The following BCOR variants were observed in gnomAD, a reference collection of about 807,000 sequenced individuals.
BCOR encodes BCL-6 corepressor.
In BCOR, 10 loss-of-function variants were observed where a neutral mutation model predicts 86.7. The ratio of observed to expected loss-of-function variants is 0.12; its 90% CI spans 0.07 to 0.20. The LOEUF is 0.20. Ranked by LOEUF, BCOR falls within the 10% of genes least tolerant of loss-of-function variation. The pLI is 1.00. For missense variants in BCOR, 1,259 were observed against 1,452.1 expected (o/e 0.87, Z 2.16); for synonymous variants, 611 against 609.0 (o/e 1.00, Z -0.05).
At chrX:40,066,284 C>G (rs900015846) in intron 6 of BCOR, among the ~76,000 whole-genome samples, 4 of 111,788 alleles carry the variant, frequency 3.6e-5, no homozygotes, top group Non-Finnish European at 5.6e-5. Flanking sequence ...AACACACAAG[C>G]TGCCCAAAAC....
At chrX:40,072,139 T>A (rs1315771595) in intron 4 of BCOR, 5 of 446,152 alleles carry the variant, frequency 1.1e-5, no homozygotes, top group Non-Finnish European at 3.9e-6. Flanking sequence ...AGTTCCCTTA[T>A]AATCTACAGA....
At chrX:40,116,454 G>A (rs771265218) in intron 1 of BCOR, among the ~76,000 whole-genome samples, 47 of 108,954 alleles carry the variant, frequency 4.3e-4, no homozygotes, top group Admixed American at 2.4e-3. Flanking sequence ...CTGAGATAGC[G>A]CCACTGCACT....
intron 1 of BCOR, among the ~76,000 whole-genome samples, chrX:40,140,172 C>T (rs753333608): frequency 9.2e-6 from 1 of 108,894 alleles, no homozygotes; most frequent in South Asian, 4.0e-4. Flanking sequence ...TATATATATA[C>T]CTAAGCGGGG....
intron 1 of BCOR, among the ~76,000 whole-genome samples, chrX:40,127,283 G>A (rs1464267066): frequency 8.9e-6 from 1 of 111,956 alleles, no homozygotes; most frequent in Non-Finnish European, 1.9e-5. Context: ...GAGGATGTGA[G>A]GCCACAGGGA....
At chrX:40,150,763 G>A (rs937100560) in intron 1 of BCOR, among the ~76,000 whole-genome samples, 1 of 111,644 alleles carries the variant, frequency 9.0e-6, no homozygotes, top group Non-Finnish European at 1.9e-5. Flanking sequence ...CACAAGATTG[G>A]GCCCTGAGCC....
At chrX:40,095,524 CAA>C (rs1160737147) in intron 1 of BCOR, among the ~76,000 whole-genome samples, 1 of 110,536 alleles carries the variant, frequency 9.0e-6, no homozygotes, top group Middle Eastern at 4.3e-3. Context: ...GATCTTTCTC[CAA>C]AAGACTACCC....
chrX:40,112,505 G>A (rs1937328124), intron 1 of BCOR, among the ~76,000 whole-genome samples: 1 of 111,799 alleles, frequency 8.9e-6, no homozygotes, highest in Admixed American at 9.6e-5. Context: ...TTTTCCAGAT[G>A]AGGAAACTAT....
intron 1 of BCOR, among the ~76,000 whole-genome samples, chrX:40,091,289 T>A (rs1448834163): frequency 8.9e-6 from 1 of 112,681 alleles, no homozygotes; most frequent in African/African-American, 3.2e-5. Flanking sequence ...TTGTCCGCCT[T>A]CCACAAAATA....
chrX:40,164,635 A>G (rs1302255702), intron 1 of BCOR, among the ~76,000 whole-genome samples: 2 of 111,843 alleles, frequency 1.8e-5, no homozygotes, highest in Non-Finnish European at 3.8e-5. Context: ...CCAGTTCCCT[A>G]GGCAGGAAGG....
In BCOR at chrX:40,161,270, G is replaced by A. The variant is rs1211494986; in HGVS notation, c.-41+15737C>T. 7.6e-5 allele frequency among the ~76,000 whole-genome samples: 8 copies of A among 105,770 alleles called. No individual in the cohort carries two copies. In the Admixed American group the frequency reaches 8.2e-4, roughly 11 times the overall value. The allele number at this position is 105,770 out of a possible 115,157, so 91.8% of individuals were successfully genotyped here. On this transcript the variant is annotated intron_variant, in intron 1 of 14. Transcript: ENST00000342274. ...CGCCCAGGCTGGAGTGAAGTGGCGC[G>A]ATCTTGGCTCACTGCAACCTCCGCC...
chrX:40,057,914 G>C (rs1934679561), intron 10 of BCOR, among the ~76,000 whole-genome samples: 1 of 112,047 alleles, frequency 8.9e-6, no homozygotes. Flanking sequence ...GAAAGACCCG[G>C]AGTTGGAGCC....
At chrX:40,174,177 C>T (rs747594468) in intron 1 of BCOR, among the ~76,000 whole-genome samples, 25 of 112,805 alleles carry the variant, frequency 2.2e-4, no homozygotes, top group Non-Finnish European at 4.7e-4. Flanking sequence ...CGGCGTTTGC[C>T]TAATCACTGA....
At position 40,107,482 on chromosome X, in the gene BCOR, G is replaced by A. The variant is rs1937213074; in HGVS notation, c.-40-29513C>T. On this transcript the variant is annotated intron_variant, in intron 1 of 14. Transcript: ENST00000342274. ...GGCTCTCCGCGCCAGAGCTGCTCAG[G>A]CGGCAATTTTTTAAGCCTGCAATTA... 2.7e-5 allele frequency among the ~76,000 whole-genome samples: 3 copies of A among 113,132 alleles called. No homozygotes were observed. In the Admixed American group the frequency reaches 2.8e-4, roughly 10 times the overall value.
intron 1 of BCOR, among the ~76,000 whole-genome samples, chrX:40,162,031 C>T (rs1019259971): frequency 3.3e-4 from 37 of 111,607 alleles, no homozygotes; most frequent in African/African-American, 1.2e-3. Flanking sequence ...CAATAACTTA[C>T]GAACCAGTGC....
At chrX:40,122,465 T>G (rs900220399) in intron 1 of BCOR, among the ~76,000 whole-genome samples, 19 of 112,281 alleles carry the variant, frequency 1.7e-4, no homozygotes, top group Non-Finnish European at 3.6e-4. Context: ...TTGTCCTTGT[T>G]TTGATCTGTT....
At chrX:40,054,188 C>A in intron 13 of BCOR, 68 bp downstream of exon 13, 2 of 1,112,925 alleles carry the variant, frequency 1.8e-6, no homozygotes, top group Non-Finnish European at 2.5e-6. Context: ...TTCCCTCACC[C>A]ATACCAGACA....
At chrX:40,098,470 T>TGGGGGCGGC (rs904891768), upstream of BCOR, among the ~76,000 whole-genome samples, 180 of 111,189 alleles carry the variant, frequency 1.6e-3, no homozygotes, top group Non-Finnish European at 2.3e-3. Context: ...GCCGAAGGGA[T>TGGGGGCGGC]GGGGGCGGCG....
At chrX:40,075,282 C>T (rs112675834) in intron 3 of BCOR, 102 bp from the exon 4 acceptor site, 18 of 608,708 alleles carry the variant, frequency 3.0e-5, no homozygotes, top group African/African-American at 6.9e-5. Flanking sequence ...CCTTAACATC[C>T]AAGCACAAAG....
At chrX:40,129,480 CA>C (rs35466160) in intron 1 of BCOR, among the ~76,000 whole-genome samples, 22,616 of 89,068 alleles carry the variant, frequency 0.25, 4,343 homozygotes, top group African/African-American at 0.63. Context: ...GACTCCGTCT[CA>C]AAAAAAAAAA....
Sources: gnomAD v4.1 joint callset for allele counts (sites outside exome capture counted in the v4.1 genomes callset) on GRCh38, gnomAD v4.1.1 for gene constraint, MANE v1.5 for transcripts, NCBI Gene and HGNC (gene_info 2026-07-23, HGNC 2026-07-21) for gene names.